The following FGD5 variants were observed in gnomAD, a reference collection of about 807,000 sequenced individuals.
FGD5 encodes the protein FYVE, RhoGEF and PH domain-containing protein 5.
Under a neutral mutation model 133.4 loss-of-function variants are expected in FGD5, and 28 were observed. The observed-to-expected ratio is 0.21, with a 90% CI of 0.16 to 0.29. The LOEUF (loss-of-function observed/expected upper bound fraction) is 0.29. FGD5 is among the 10% of genes least tolerant of loss of function. The probability of loss-of-function intolerance (pLI) is 1.00; values close to 1 mark genes in which losing one functional copy is unlikely to be tolerated. For synonymous variants in FGD5, 810 were observed against 776.5 expected (o/e 1.04, Z -0.72); for missense variants, 1,858 against 1,895.2 (o/e 0.98, Z 0.36).
At chr3:14,841,561 C>CT (rs34268022) in intron 1 of FGD5, among the ~76,000 whole-genome samples, 104,966 of 140,884 alleles carry the variant, frequency 0.75, 38,628 homozygotes, top group East Asian at 0.96. Context: ...AAGGATCAGG[C>CT]TTTTTTTTTT....
chr3:14,883,589 A>G (rs1575230386), intron 4 of FGD5, among the ~76,000 whole-genome samples: 1 of 152,194 alleles, frequency 6.6e-6, no homozygotes, highest in Non-Finnish European at 1.5e-5. Context: ...CCATTCATCT[A>G]TCCATCTGAA....
chr3:14,878,307 G>A (rs924942034), intron 2 of FGD5, among the ~76,000 whole-genome samples: 9 of 152,194 alleles, frequency 5.9e-5, no homozygotes, highest in African/African-American at 1.9e-4. Context: ...GTTTGAAATG[G>A]ATGTGATTGA....
At chr3:14,823,966 A>G (rs1027062753) in intron 1 of FGD5, among the ~76,000 whole-genome samples, 8 of 152,268 alleles carry the variant, frequency 5.3e-5, no homozygotes, top group African/African-American at 1.9e-4. Flanking sequence ...CGTGCCAAGC[A>G]CTGTGCTAGG....
Position 14,870,603 on chromosome 3 carries a change from C to T in FGD5, c.2658+6343C>T, listed in dbSNP as rs71308109. Among the ~76,000 whole-genome samples, 345 of 152,258 alleles carry T rather than the reference C, an allele frequency of 2.3e-3. 1 individual carries two copies. Among genetic ancestry groups the T allele is most frequent in the Non-Finnish European group, 3.9e-3 (262 of 68,020 alleles). On this transcript the variant is annotated intron_variant, in intron 2 of 19. Coordinates refer to ENST00000285046, the MANE Select transcript of FGD5 (RefSeq NM_152536.4). ...TCAACTCTGCTGTCTTAGGCATTTC[C>T]CAAGGCTCCACCGCCCCCAGACCCC... is the stretch of plus-strand genomic sequence containing the variant.
chr3:14,839,822 A>G (rs888160311), intron 1 of FGD5, among the ~76,000 whole-genome samples: 1 of 152,052 alleles, frequency 6.6e-6, no homozygotes, highest in Admixed American at 6.6e-5. Flanking sequence ...AGTCCCAGCT[A>G]CTCAGGAGGC....
At chr3:14,921,707 T>C (rs1333167269) in intron 13 of FGD5, among the ~76,000 whole-genome samples, 1 of 152,216 alleles carries the variant, frequency 6.6e-6, no homozygotes, top group African/African-American at 2.4e-5. Context: ...ATTATTCCAG[T>C]GTAAGAAGAA....
At chr3:14,919,554 C>T (rs1472246361) in intron 13 of FGD5, among the ~76,000 whole-genome samples, 2 of 152,148 alleles carry the variant, frequency 1.3e-5, no homozygotes, top group Non-Finnish European at 2.9e-5. Context: ...GGAGGTGGAG[C>T]TTGCAGTGAG....
chr3:14,878,066 CTT>C (rs1168045514), intron 2 of FGD5, among the ~76,000 whole-genome samples: 1 of 152,136 alleles, frequency 6.6e-6, no homozygotes, highest in African/African-American at 2.4e-5. Flanking sequence ...GAGGTTGTGA[CTT>C]TTGAGCAGAG....
chr3:14,811,814 A>G (rs1055663580), intron 1 of FGD5, among the ~76,000 whole-genome samples: 1 of 152,156 alleles, frequency 6.6e-6, no homozygotes, highest in African/African-American at 2.4e-5. Flanking sequence ...TTGCAAGGGA[A>G]CAGTCCCAGC....
At position 14,906,403 on chromosome 3, in the gene FGD5, C is replaced by T. The variant is rs542656550; in HGVS notation, c.3265-1237C>T. On this transcript the variant is annotated intron_variant, in intron 9 of 19. Transcript: ENST00000285046. ...ACTGGGTCCAAGGGGTTATCGCCCCCGTCCTAGGGTGCAGCTTTCCTCTCT... is the reference window on the plus strand; with the variant it reads ...ACTGGGTCCAAGGGGTTATCGCCCCTGTCCTAGGGTGCAGCTTTCCTCTCT... 9.1e-4 allele frequency among the ~76,000 whole-genome samples: 138 copies of T among 152,346 alleles called. 1 individual carries two copies. The highest frequency in any genetic ancestry group is 1.7e-3 in the Non-Finnish European group (119 of 68,034).
intron 1 of FGD5, among the ~76,000 whole-genome samples, chr3:14,851,638 G>C (rs532372110): frequency 4.2e-4 from 64 of 152,268 alleles, no homozygotes; most frequent in Middle Eastern, 3.4e-3. Context: ...TGTGGCTCCG[G>C]CTTACATATT....
intron 1 of FGD5, among the ~76,000 whole-genome samples, chr3:14,861,309 A>G (rs925730627): frequency 6.6e-6 from 1 of 152,186 alleles, no homozygotes; most frequent in Non-Finnish European, 1.5e-5. Flanking sequence ...TTAACTGAGC[A>G]CTGCTGAGGC....
chr3:14,930,974 T>G (rs2038891016), intron 18 of FGD5: 1 of 152,130 alleles, frequency 6.6e-6, no homozygotes, highest in African/African-American at 2.4e-5. Context: ...GTTATTTTGT[T>G]TTTTTTCTTT....
chr3:14,883,927 G>T (rs1339602439), intron 4 of FGD5, among the ~76,000 whole-genome samples: 1 of 152,224 alleles, frequency 6.6e-6, no homozygotes, highest in Non-Finnish European at 1.5e-5. Context: ...GGAAGAGGGC[G>T]TGTAAGGTAA....
In FGD5 at chr3:14,819,969, GAGA is replaced by G. The variant is rs1559466811; in HGVS notation, c.903_905del (p.Lys302del). On this transcript the variant is annotated inframe_deletion, in exon 1 of 20. Coordinates refer to ENST00000285046, the MANE Select transcript of FGD5 (RefSeq NM_152536.4). This position sits in a 1 kb window ranked among gnomAD's most constrained non-coding sequence, Gnocchi z 4.1. ...TGACCTCAGTGAACCACCTGACCAC[GAGA>G]AGAAAACCAACCAAGAAGTGGCAGC... The G allele has an allele frequency of 6.2e-6, 10 of 1,613,974 alleles. No individual in the cohort carries two copies. The highest frequency in any genetic ancestry group is 8.5e-6 in the Non-Finnish European group (10 of 1,179,876).
At chr3:14,846,702 A>G (rs991999598) in intron 1 of FGD5, among the ~76,000 whole-genome samples, 2 of 152,228 alleles carry the variant, frequency 1.3e-5, no homozygotes, top group African/African-American at 2.4e-5. Flanking sequence ...AAACTTCCCA[A>G]CCGTGGGACC....
chr3:14,925,100 C>CAAAA (rs10714568), intron 17 of FGD5, among the ~76,000 whole-genome samples: 3 of 71,806 alleles, frequency 4.2e-5, no homozygotes, highest in South Asian at 5.4e-4. Flanking sequence ...GACTCTGTCT[C>CAAAA]AAAAAAAAAA....
At chr3:14,843,776 T>C (rs925142323) in intron 1 of FGD5, among the ~76,000 whole-genome samples, 1 of 147,942 alleles carries the variant, frequency 6.8e-6, no homozygotes, top group Admixed American at 6.9e-5. Context: ...CTGCAACCTC[T>C]GCCTCCTGGG....
At chr3:14,897,869 C>G (rs2038166365) in intron 5 of FGD5, 70 bp from the exon 6 acceptor site, 2 of 1,586,392 alleles carry the variant, frequency 1.3e-6, no homozygotes. Context: ...GACTCCAGGC[C>G]CCCTGCTTCT....
Sources: allele counts gnomAD v4.1 joint callset (sites outside exome capture counted in the v4.1 genomes callset), GRCh38; gene constraint gnomAD v4.1.1; non-coding constraint Gnocchi (gnomAD v3.1); transcripts MANE v1.5; gene names NCBI Gene and HGNC (gene_info 2026-07-23, HGNC 2026-07-21).